FLNB: variants seen among roughly 807,000 people sequenced by gnomAD.
The protein encoded by FLNB is filamin B, also known as filamin-B.
Under a neutral mutation model 250.6 loss-of-function variants are expected in FLNB, and 111 were observed. The ratio of observed to expected loss-of-function variants is 0.44; its 90% CI spans 0.38 to 0.52. FLNB has a LOEUF of 0.52. Ranked by LOEUF, FLNB falls within the 20% of genes least tolerant of loss-of-function variation. FLNB has a pLI of 0.00. For missense variants in FLNB, 2,869 were observed against 3,447.8 expected (o/e 0.83, Z 4.20); for synonymous variants, 1,302 against 1,372.1 (o/e 0.95, Z 1.13).
At chr3:58,102,803 G>A (rs1238542832) in intron 9 of FLNB, among the ~76,000 whole-genome samples, 1 of 152,304 alleles carries the variant, frequency 6.6e-6, no homozygotes, top group East Asian at 1.9e-4. Flanking sequence ...TAATTACTAT[G>A]ATCAGTGCTT....
chr3:58,085,160 G>C (rs988375297), intron 4 of FLNB, among the ~76,000 whole-genome samples: 18 of 152,228 alleles, frequency 1.2e-4, no homozygotes, highest in South Asian at 8.3e-4. Flanking sequence ...AGTGCTGTTT[G>C]AGACCCTGCT....
rs760787448 is a variant in FLNB at position 58,169,772 on chromosome 3, C to T, written c.7600C>T (p.Leu2534=). Residue 2534 remains leucine (L), a synonymous_variant, in exon 45 of 46, where the codon CTG becomes TTG. Coordinates refer to ENST00000295956, the MANE Select transcript of FLNB (RefSeq NM_001457.4). This position sits in a 1 kb window ranked among gnomAD's most constrained non-coding sequence, Gnocchi z 4.8. The part of the protein sequence containing the change: ...KAFVGQKSSF[L]VDCSKAGSNM... ...CTTTGTGGGCCAGAAGAGTTCCTTC[C>T]TGGTGGACTGCAGCAAAGCTGGTAG... 1 of 1,478,040 alleles carries T rather than the reference C, an allele frequency of 6.8e-7. No individual in the cohort carries two copies. The highest frequency in any genetic ancestry group is 1.4e-5 in the African/African-American group (1 of 70,786). 91.6% of individuals were successfully genotyped at this position (1,478,040 alleles called of 1,614,324 possible).
chr3:58,041,454 G>A (rs537352671), intron 1 of FLNB, among the ~76,000 whole-genome samples: 1 of 152,246 alleles, frequency 6.6e-6, no homozygotes, highest in African/African-American at 2.4e-5. Context: ...ATGTCAGCAG[G>A]CCTTCAGTGG....
At chr3:58,095,284 G>A (rs1362278408) in intron 5 of FLNB, among the ~76,000 whole-genome samples, 1 of 145,842 alleles carries the variant, frequency 6.9e-6, no homozygotes, top group East Asian at 2.1e-4. Context: ...CCTGTTGCCC[G>A]GGTTGGAGTG....
At chr3:58,107,466 A>G (rs2097261565) in intron 12 of FLNB, among the ~76,000 whole-genome samples, 1 of 152,220 alleles carries the variant, frequency 6.6e-6, no homozygotes. Flanking sequence ...GAGAGCTTCT[A>G]GGATGATTCA....
At chr3:58,071,107 C>T (rs1396903509) in intron 1 of FLNB, among the ~76,000 whole-genome samples, 2 of 151,538 alleles carry the variant, frequency 1.3e-5, no homozygotes, top group Non-Finnish European at 2.9e-5. Context: ...TGCACCACTA[C>T]ACCTGACTAA....
intron 18 of FLNB, among the ~76,000 whole-genome samples, chr3:58,115,888 T>C (rs144377563): frequency 2.2e-4 from 33 of 152,350 alleles, no homozygotes; most frequent in African/African-American, 7.0e-4. Context: ...TGTTTGTTGC[T>C]TGGAGCTGGG....
rs566615110 is a variant in FLNB at position 58,008,748 on chromosome 3, A to T, written c.184A>T (p.Met62Leu). The part of the protein sequence containing the change: ...ALLEVLSQKR[M>L]YRKYHQRPTF... ...GCTCGAGGTGCTCAGCCAGAAGCGCATGTACCGCAAGTACCATCAGCGGCC... is the reference window on the plus strand; with the variant it reads ...GCTCGAGGTGCTCAGCCAGAAGCGCTTGTACCGCAAGTACCATCAGCGGCC... Residue 62 changes from methionine to leucine, a missense_variant, in exon 1 of 46, where the codon ATG (methionine) becomes TTG (leucine). Physicochemically the swap from Met to Leu is conservative, Grantham distance 15 (BLOSUM62 2). Coordinates refer to ENST00000295956, the MANE Select transcript of FLNB (RefSeq NM_001457.4). The T allele has an allele frequency of 6.2e-7, 1 of 1,614,118 alleles. No individual in the cohort carries two copies. The highest frequency in any genetic ancestry group is 1.3e-5 in the African/African-American group (1 of 75,076).
chr3:58,008,946 C>T lies in FLNB; in HGVS notation c.292+90C>T, dbSNP rs879662846. The T allele has an allele frequency of 4.7e-6, 7 of 1,499,316 alleles. No individual in the cohort carries two copies. The Admixed American group carries it at 1.2e-4, about 25-fold the overall frequency. The allele number at this position is 1,499,316 out of a possible 1,614,324, so 92.9% of individuals were successfully genotyped here. On this transcript the variant is annotated intron_variant, in intron 1 of 45. Transcript: ENST00000295956. ...TGCGGAGGGCGAGGATTTCCCGCAG[C>T]GCGCCCCCACCTCGGAGATAAGGGG... is the stretch of plus-strand genomic sequence containing the variant.
intron 1 of FLNB, among the ~76,000 whole-genome samples, chr3:58,031,736 G>T (rs1381818073): frequency 4.0e-5 from 6 of 150,118 alleles, no homozygotes; most frequent in Non-Finnish European, 7.4e-5. Flanking sequence ...ATTTTTAAAG[G>T]TTTTGCCATG....
intron 6 of FLNB, among the ~76,000 whole-genome samples, chr3:58,097,498 A>G (rs780739555): frequency 6.6e-6 from 1 of 152,202 alleles, no homozygotes; most frequent in Non-Finnish European, 1.5e-5. Flanking sequence ...ATAGTGGCCC[A>G]TTCAGCCCCC....
intron 20 of FLNB, 65 bp downstream of exon 20, chr3:58,121,568 T>G: frequency 1.3e-6 from 2 of 1,593,958 alleles, no homozygotes; most frequent in Admixed American, 3.3e-5. Context: ...ATAGTCCTTC[T>G]CTGGTTCTTC....
intron 1 of FLNB, among the ~76,000 whole-genome samples, chr3:58,032,996 C>T (rs1486681484): frequency 6.6e-6 from 1 of 152,100 alleles, no homozygotes; most frequent in African/African-American, 2.4e-5. Flanking sequence ...TTGCTTGAGC[C>T]CGGGAAGTCA....
intron 2 of FLNB, 30 bp downstream of exon 2, chr3:58,077,324 G>C (rs371030523): frequency 4.3e-6 from 7 of 1,611,176 alleles, no homozygotes; most frequent in Non-Finnish European, 4.2e-6. Flanking sequence ...TAAACCATCT[G>C]TCCAGGATGG....
intron 12 of FLNB, 47 bp from the exon 13 acceptor site, chr3:58,108,411 G>C (rs769274615): frequency 8.1e-7 from 1 of 1,232,766 alleles, no homozygotes; most frequent in Non-Finnish European, 1.2e-6. Context: ...TAAGGGTTTA[G>C]TTGGGGCATT....
Position 58,008,528 on chromosome 3 carries a change from G to A in FLNB, c.-37G>A. 1 of 1,558,066 alleles carries A rather than the reference G, an allele frequency of 6.4e-7. No individual in the cohort carries two copies. The highest frequency in any genetic ancestry group is 8.7e-7 in the Non-Finnish European group (1 of 1,151,838). ...TTGGGCCTCCAAACACCAGTCCCCG[G>A]CAGCTCGTTGCGCATTGCGCTCTCC... On this transcript the variant is annotated 5_prime_UTR_variant, in exon 1 of 46. Transcript: ENST00000295956.
intron 1 of FLNB, among the ~76,000 whole-genome samples, chr3:58,029,656 A>G (rs1264237529): frequency 6.6e-6 from 1 of 151,920 alleles, no homozygotes; most frequent in Admixed American, 6.6e-5. Flanking sequence ...GGCACCTGCC[A>G]CCATGCCTGG....
chr3:58,033,216 G>A (rs1450327500), intron 1 of FLNB, among the ~76,000 whole-genome samples: 1 of 152,166 alleles, frequency 6.6e-6, no homozygotes, highest in Non-Finnish European at 1.5e-5. Flanking sequence ...CCATAATCAA[G>A]ACAGCGAACC....
At chr3:58,132,417 C>A in intron 25 of FLNB, 1 of 405,632 alleles carries the variant, frequency 2.5e-6, no homozygotes, top group Non-Finnish European at 4.6e-6. Flanking sequence ...ATTCTGGACT[C>A]TTTGGCAGTG....
Sources: allele counts gnomAD v4.1 joint callset (sites outside exome capture counted in the v4.1 genomes callset), GRCh38; gene constraint gnomAD v4.1.1; non-coding constraint Gnocchi (gnomAD v3.1); transcripts MANE v1.5; gene names NCBI Gene and HGNC (gene_info 2026-07-23, HGNC 2026-07-21).